Variants in ATG2B observed in about 807,000 individuals in gnomAD.
The protein encoded by ATG2B is autophagy-related protein 2 homolog B.
ATG2B carries 121 observed loss-of-function variants against 241.3 expected under a neutral mutation model. The observed-to-expected ratio is 0.50, with a 90% CI of 0.43 to 0.58. The LOEUF (loss-of-function observed/expected upper bound fraction) is 0.58, where lower values mean the gene tolerates loss of function less well. Among genes scored for constraint, ATG2B ranks in the 20% least tolerant of loss-of-function variants. The pLI is 0.00. For missense variants in ATG2B, 2,306 were observed against 2,491.6 expected (o/e 0.93, Z 1.59); for synonymous variants, 858 against 876.6 (o/e 0.98, Z 0.37).
intron 34 of ATG2B, among the ~76,000 whole-genome samples, chr14:96,298,329 T>C (rs191976554): frequency 4.6e-5 from 7 of 152,310 alleles, no homozygotes; most frequent in Non-Finnish European, 7.4e-5. Context: ...GGTGGGAATA[T>C]GCAATGCAAC....
rs879867905 is a variant in ATG2B, at chr14:96,290,330, AC to A, written c.5856+105del. The A allele has an allele frequency of 1.2e-5, 17 of 1,400,632 alleles. No individual in the cohort carries two copies. In the Admixed American group the frequency reaches 3.8e-4, roughly 31 times the overall value. The allele number at this position is 1,400,632 out of a possible 1,614,324, so 86.8% of individuals were successfully genotyped here. ...TTAAATCACTACGAATAAAGTATCT[AC>A]TCACAACATTTTGTATATCTTCACA... On this transcript the variant is annotated intron_variant, in intron 40 of 41. Transcript: ENST00000359933. This position sits in a 1 kb window ranked among gnomAD's most constrained non-coding sequence, Gnocchi z 4.4.
intron 41 of ATG2B, among the ~76,000 whole-genome samples, chr14:96,286,510 A>G (rs984872655): frequency 1.3e-5 from 2 of 152,210 alleles, no homozygotes; most frequent in African/African-American, 4.8e-5. Flanking sequence ...TCTGAGAACA[A>G]AAAGCAGGAA....
chr14:96,320,261 A>C (rs2139868449), intron 18 of ATG2B, among the ~76,000 whole-genome samples: 1 of 152,310 alleles, frequency 6.6e-6, no homozygotes, highest in South Asian at 2.1e-4. Flanking sequence ...TATACTCGCC[A>C]AAGACCAACT....
At chr14:96,308,274 A>ATGTG (rs1566719948) in intron 29 of ATG2B, among the ~76,000 whole-genome samples, 2 of 25,876 alleles carry the variant, frequency 7.7e-5, no homozygotes, top group African/African-American at 3.9e-4. Context: ...ATATATATAT[A>ATGTG]TATATATATT....
intron 1 of ATG2B, among the ~76,000 whole-genome samples, chr14:96,361,733 C>CT (rs1313772018): frequency 6.6e-6 from 1 of 152,104 alleles, no homozygotes; most frequent in East Asian, 1.9e-4. Flanking sequence ...GGGTAGGACT[C>CT]TCACCTCCTG....
chr14:96,296,815 T>C (rs1379988940), intron 34 of ATG2B, among the ~76,000 whole-genome samples: 1 of 150,002 alleles, frequency 6.7e-6, no homozygotes, highest in Admixed American at 6.6e-5. Flanking sequence ...AAAACATTAA[T>C]ACTGTGCCAA....
In ATG2B at chr14:96,341,642, T is replaced by C. The variant is rs749206219; in HGVS notation, c.804A>G (p.Pro268=). 6.9e-6 allele frequency: 11 copies of C among 1,599,236 alleles called. No homozygotes were observed. The highest frequency in any genetic ancestry group is 1.3e-5 in the African/African-American group (1 of 74,646). Residue 268 remains proline (P), a synonymous_variant, in exon 6 of 42, where the codon CCA becomes CCG. Coordinates refer to ENST00000359933, the MANE Select transcript of ATG2B (RefSeq NM_018036.7). ...TCTCTGGTAAATTTCTAGTTAGCTG[T>C]GGGTGTGGCTCATAAATAATTTTGG... ...WNPKIIYEPH[P]QLTRNLPEIA...
chr14:96,325,675 A>G lies in ATG2B; in HGVS notation c.2411T>C (p.Leu804Ser), dbSNP rs755744082. Residue 804 changes from leucine (L) to serine (S), a missense_variant, in exon 15 of 42, where the codon TTG becomes TCG. This residue lies in a region of ATG2B where 1,927 missense variants were observed against 2,011.2 expected (regional missense o/e 0.96). Coordinates refer to ENST00000359933, the MANE Select transcript of ATG2B (RefSeq NM_018036.7). ...AATTAGTTCTCTAAAGGTAAGTTCC[A>G]ATTTAATTTGTTCTGGGGTTGATCC... Reference protein sequence around the residue: ...IGGSTPEQIKLELTFRELIGS... With the variant: ...IGGSTPEQIKSELTFRELIGS... 40 of 1,613,198 alleles carry G rather than the reference A, an allele frequency of 2.5e-5. No homozygotes were observed. Among genetic ancestry groups the G allele is most frequent in the Middle Eastern group, 1.7e-4 (1 of 6,054 alleles).
chr14:96,344,801 C>T (rs1888129624), intron 3 of ATG2B, 45 bp from the exon 4 acceptor site: 1 of 842,186 alleles, frequency 1.2e-6, no homozygotes, highest in Non-Finnish European at 1.8e-6. Context: ...CACATATATG[C>T]TAAATAAAAA....
chr14:96,360,610 A>G (rs1888596784), intron 1 of ATG2B, among the ~76,000 whole-genome samples: 1 of 152,240 alleles, frequency 6.6e-6, no homozygotes, highest in Non-Finnish European at 1.5e-5. Context: ...TCAATTAGCC[A>G]TAATAGAAAA....
intron 1 of ATG2B, among the ~76,000 whole-genome samples, chr14:96,353,072 A>G (rs1292159387): frequency 2.0e-5 from 3 of 152,220 alleles, no homozygotes; most frequent in African/African-American, 7.2e-5. Flanking sequence ...ATACACAAAT[A>G]CCATTGTGTC....
At chr14:96,312,512 C>T (rs557406657) in intron 25 of ATG2B, among the ~76,000 whole-genome samples, 1 of 152,254 alleles carries the variant, frequency 6.6e-6, no homozygotes, top group South Asian at 2.1e-4. Context: ...GAGGACAAGG[C>T]AGGAGGACCA....
Position 96,303,213 on chromosome 14 carries a change from A to T in ATG2B, c.4885T>A (p.Cys1629Ser), listed in dbSNP as rs765976955. The change falls in exon 33 of 42, where the codon TGT becomes AGT. Residue 1629 changes from cysteine (C) to serine (S), a missense_variant. Physicochemically the swap from Cys to Ser is moderately radical, Grantham distance 112. This residue lies in a region of ATG2B where 1,927 missense variants were observed against 2,011.2 expected (regional missense o/e 0.96). Coordinates refer to ENST00000359933, the MANE Select transcript of ATG2B (RefSeq NM_018036.7). ...GGGTGTTCTGAGAGGCTGGAATCAC[A>T]ATCAGGTTTGCATGGCGGGTAGACT... ...HEVYPPCKPD[C>S]DSSLSEHPVS... 2.5e-6 allele frequency: 4 copies of T among 1,609,130 alleles called. No homozygotes were observed. The highest frequency in any genetic ancestry group is 3.4e-5 in the Admixed American group (2 of 59,244).
Position 96,317,915 on chromosome 14 carries a change from T to A in ATG2B, c.2880-60A>T, listed in dbSNP as rs559927032. 1.3e-4 allele frequency: 155 copies of A among 1,227,894 alleles called. 1 individual carries two copies. The South Asian group carries it at 1.6e-3, about 13-fold the overall frequency. 76.1% of individuals were successfully genotyped at this position (1,227,894 alleles called of 1,614,324 possible). ...CTCCTAGTTCAACAGAAGGCAAACT[T>A]AAAAAAAAATCCTTTTAAAAGATCG... On this transcript the variant is annotated intron_variant, in intron 18 of 41. Coordinates refer to ENST00000359933, the MANE Select transcript of ATG2B (RefSeq NM_018036.7).
chr14:96,318,131 T>C (rs1363774173), intron 18 of ATG2B: 5 of 233,284 alleles, frequency 2.1e-5, no homozygotes, highest in Non-Finnish European at 3.3e-5. Context: ...CTATGTTATA[T>C]ACATCAAATT....
intron 15 of ATG2B, among the ~76,000 whole-genome samples, chr14:96,324,950 G>A (rs1210646388): frequency 6.6e-6 from 1 of 152,060 alleles, no homozygotes; most frequent in Non-Finnish European, 1.5e-5. Flanking sequence ...AGAGGCAGGT[G>A]GTCTAGGAAC....
chr14:96,309,689 C>T, intron 28 of ATG2B, 95 bp from the exon 29 acceptor site: 1 of 1,186,290 alleles, frequency 8.4e-7, no homozygotes, highest in Non-Finnish European at 1.2e-6. Flanking sequence ...TTACATTGTA[C>T]AAAAACATCA....
Position 96,303,070 on chromosome 14 carries a change from G to A in ATG2B, c.5028C>T (p.His1676=). The change falls in exon 33 of 42, where the codon CAC becomes CAT. Residue 1676 remains histidine, a synonymous_variant. Coordinates refer to ENST00000359933, the MANE Select transcript of ATG2B (RefSeq NM_018036.7). ...TGAGGTTAACTCTTACCATGTTGGA[G>A]TGAGCTTTTCGAGGCATTTCTTTAC... ...YCSKEMPRKA[H]SNMLTVKALH... 4 of 1,590,106 alleles carry A rather than the reference G, an allele frequency of 2.5e-6. No individual in the cohort carries two copies. Among genetic ancestry groups the A allele is most frequent in the Non-Finnish European group, 3.4e-6 (4 of 1,167,454 alleles).
intron 15 of ATG2B, 54 bp downstream of exon 15, chr14:96,325,595 G>C (rs1887567769): frequency 4.6e-6 from 7 of 1,507,458 alleles, no homozygotes; most frequent in Non-Finnish European, 5.4e-6. Context: ...TTAAGTTTCA[G>C]TAGCAGTTGT....
Sources: gnomAD v4.1 joint callset for allele counts (sites outside exome capture counted in the v4.1 genomes callset) on GRCh38, gnomAD v4.1.1 for gene constraint, gnomAD v4.1.1 regional missense constraint, Gnocchi (gnomAD v3.1) non-coding constraint, MANE v1.5 for transcripts, NCBI Gene and HGNC (gene_info 2026-07-23, HGNC 2026-07-21) for gene names.